TENM4: variants seen among roughly 807,000 people sequenced by gnomAD.
TENM4 encodes teneurin-4.
Under a neutral mutation model 243.3 loss-of-function variants are expected in TENM4, and 82 were observed. The ratio of observed to expected loss-of-function variants is 0.34; its 90% confidence interval spans 0.28 to 0.40. TENM4 has a LOEUF of 0.40. Among genes scored for constraint, TENM4 ranks in the 10% least tolerant of loss-of-function variants. The pLI is 1.00. For missense variants in TENM4, 3,138 were observed against 3,673.3 expected, an observed-to-expected ratio of 0.85 and a Z score of 3.77; for synonymous variants, 1,412 against 1,456.3, an observed-to-expected ratio of 0.97 and a Z score of 0.69.
chr11:78,763,862 G>A (rs1856485306), intron 18 of TENM4, among the ~76,000 whole-genome samples: 2 of 152,236 alleles, frequency 1.3e-5, no homozygotes, highest in Admixed American at 1.3e-4. Flanking sequence ...AAATTTGAGT[G>A]TCTTTCCCAT....
At chr11:79,394,877 G>A (rs1858309166) in intron 1 of TENM4, among the ~76,000 whole-genome samples, 1 of 152,146 alleles carries the variant, frequency 6.6e-6, no homozygotes, top group African/African-American at 2.4e-5. Flanking sequence ...GGCAGAGACT[G>A]GACTTATCAG....
rs903732493 is a variant in TENM4 at position 79,093,649 on chromosome 11, G to A, written c.-65-23640C>T. ...AGACACAGTGGGAACAAAGGAGGGG[G>A]AGGCCCAATCCAGAGTGGGGATGGC... On this transcript the variant is annotated intron_variant, in intron 4 of 33. Transcript: ENST00000278550. 5.3e-5 allele frequency: 8 copies of A among 152,312 alleles called. 1 individual carries two copies. The highest frequency in any genetic ancestry group is 2.6e-4 in the Admixed American group (4 of 15,298). The allele number at this position is 152,312 out of a possible 1,614,324, so 9.4% of individuals were successfully genotyped here.
At chr11:78,676,900 T>C (rs1220711267) in intron 29 of TENM4, among the ~76,000 whole-genome samples, 1 of 152,210 alleles carries the variant, frequency 6.6e-6, no homozygotes, top group Non-Finnish European at 1.5e-5. Context: ...AAAGGCTACA[T>C]ATTGTCTGAC....
chr11:78,985,214 G>A (rs565680839), intron 6 of TENM4, among the ~76,000 whole-genome samples: 4 of 151,874 alleles, frequency 2.6e-5, no homozygotes, highest in Admixed American at 6.6e-5. Flanking sequence ...TACCTACTCC[G>A]TGCCATGTCC....
chr11:79,246,392 GCTAGAGATACCAGGC>G (rs1295961525), intron 2 of TENM4, among the ~76,000 whole-genome samples: 1 of 152,142 alleles, frequency 6.6e-6, no homozygotes, highest in Non-Finnish European at 1.5e-5. Flanking sequence ...ATCTAGTAAA[GCTAGAGATACCAGGC>G]CTATGAACCT....
Position 78,944,220 on chromosome 11 carries a change from C to T in TENM4, c.494-40697G>A, listed in dbSNP as rs374367835. ...ATGTGGTGACTCCAGTGAAAATGCT[C>T]AACCTCTGCAGAAGCAGTTTGGGGT... On this transcript the variant is annotated intron_variant, in intron 6 of 33. Coordinates refer to ENST00000278550, the MANE Select transcript of TENM4 (RefSeq NM_001098816.3). Among the ~76,000 whole-genome samples, 6 of 152,178 alleles carry T rather than the reference C, an allele frequency of 3.9e-5. No individual in the cohort carries two copies. In the South Asian group the frequency reaches 1.0e-3, roughly 26 times the overall value.
chr11:78,806,670 T>G (rs12798463), intron 14 of TENM4, among the ~76,000 whole-genome samples: 9 of 152,220 alleles, frequency 5.9e-5, no homozygotes, highest in Non-Finnish European at 1.0e-4. Flanking sequence ...AGAGGAATTC[T>G]TTTCCTGATT....
At chr11:78,951,516 T>C (rs1303858663) in intron 6 of TENM4, among the ~76,000 whole-genome samples, 1 of 152,200 alleles carries the variant, frequency 6.6e-6, no homozygotes, top group African/African-American at 2.4e-5. Context: ...ATAGACTAGG[T>C]TGCTTAAATA....
At chr11:78,828,414 G>A (rs922536743) in intron 12 of TENM4, among the ~76,000 whole-genome samples, 6 of 152,178 alleles carry the variant, frequency 3.9e-5, no homozygotes, top group African/African-American at 1.4e-4. Context: ...TGTGAATTAT[G>A]TACTTAAATT....
chr11:79,367,833 A>C (rs886864723), intron 1 of TENM4, among the ~76,000 whole-genome samples: 5 of 152,238 alleles, frequency 3.3e-5, no homozygotes, highest in Non-Finnish European at 5.9e-5. Context: ...TTCAAAAAGC[A>C]ACAATTTGCA....
In TENM4 at chr11:78,778,347, AG is replaced by A. The variant is rs902752909; in HGVS notation, c.2392+254del. Among the ~76,000 whole-genome samples the A allele has an allele frequency of 7.2e-5, 11 of 151,900 alleles. No individual in the cohort carries two copies. The East Asian group carries it at 2.1e-3, about 29-fold the overall frequency. On this transcript the variant is annotated intron_variant, in intron 17 of 33. Transcript: ENST00000278550. Reference sequence around the variant, plus strand: ...TGGGGCGGGGGGAGGGAAAAACAAAAGTACAATGGTATTGTCACAAACAGAT... The same window carrying A: ...TGGGGCGGGGGGAGGGAAAAACAAAATACAATGGTATTGTCACAAACAGAT...
chr11:79,048,727 C>T (rs533037731), intron 6 of TENM4, among the ~76,000 whole-genome samples: 17 of 152,246 alleles, frequency 1.1e-4, no homozygotes, highest in South Asian at 8.3e-4. Context: ...TTTCTGTACC[C>T]GGATACCAGG....
At chr11:78,839,801 T>C (rs1171098517) in intron 12 of TENM4, among the ~76,000 whole-genome samples, 3 of 152,246 alleles carry the variant, frequency 2.0e-5, no homozygotes, top group Admixed American at 2.0e-4. Flanking sequence ...GTTTTCAGTA[T>C]TTCTATGACT....
At chr11:78,853,941 C>T (rs546277702) in intron 12 of TENM4, among the ~76,000 whole-genome samples, 163 bp downstream of exon 12, 1 of 152,294 alleles carries the variant, frequency 6.6e-6, no homozygotes, top group South Asian at 2.1e-4. Flanking sequence ...GAATGGCGGG[C>T]GATTCCCTGT....
At chr11:79,186,662 T>C (rs563367526) in intron 3 of TENM4, among the ~76,000 whole-genome samples, 5 of 152,138 alleles carry the variant, frequency 3.3e-5, no homozygotes, top group Non-Finnish European at 7.4e-5. Flanking sequence ...GAATTAAATA[T>C]TGGGGGATTG....
chr11:78,758,114 C>T (rs944579061), intron 18 of TENM4, among the ~76,000 whole-genome samples: 1 of 152,128 alleles, frequency 6.6e-6, no homozygotes. Flanking sequence ...CCCAGGGGTA[C>T]AGTCTATGTG....
intron 3 of TENM4, among the ~76,000 whole-genome samples, chr11:79,202,395 A>G (rs1381612776): frequency 6.6e-6 from 1 of 152,090 alleles, no homozygotes; most frequent in Non-Finnish European, 1.5e-5. Flanking sequence ...CCTCCTATAC[A>G]ATGTCTGGGT....
At chr11:78,712,112 T>C (rs1366464702) in intron 26 of TENM4, among the ~76,000 whole-genome samples, 1 of 152,196 alleles carries the variant, frequency 6.6e-6, no homozygotes, top group Non-Finnish European at 1.5e-5. Flanking sequence ...AGTAGAGGAC[T>C]GGGACATCCA....
chr11:78,958,005 A>G (rs1857243256), intron 6 of TENM4, among the ~76,000 whole-genome samples: 1 of 152,256 alleles, frequency 6.6e-6, no homozygotes, highest in Non-Finnish European at 1.5e-5. Flanking sequence ...GGGGCTCTAG[A>G]GTCAAACAGG....
Sources: gnomAD v4.1 joint callset for allele counts (sites outside exome capture counted in the v4.1 genomes callset) on GRCh38, gnomAD v4.1.1 for gene constraint, MANE v1.5 for transcripts, NCBI Gene and HGNC (gene_info 2026-07-23, HGNC 2026-07-21) for gene names.